EPB41L4B: variants seen among roughly 807,000 people sequenced by gnomAD.
EPB41L4B encodes the protein erythrocyte membrane protein band 4.1 like 4B.
EPB41L4B carries 30 observed loss-of-function variants against 112.5 expected under a neutral mutation model. The observed-to-expected ratio is 0.27, with a 90% CI of 0.20 to 0.36. The LOEUF is 0.36. Ranked by LOEUF, EPB41L4B falls within the 10% of genes least tolerant of loss-of-function variation. The probability of loss-of-function intolerance (pLI) is 1.00; values close to 1 mark genes in which losing one functional copy is unlikely to be tolerated. For missense variants in EPB41L4B, 1,024 were observed against 1,133.3 expected, an observed-to-expected ratio of 0.90 and a Z score of 1.38; for synonymous variants, 408 against 439.7, an observed-to-expected ratio of 0.93 and a Z score of 0.90.
chr9:109,187,279 G>A (rs1832302530), intron 22 of EPB41L4B, among the ~76,000 whole-genome samples: 1 of 152,092 alleles, frequency 6.6e-6, no homozygotes, highest in South Asian at 2.1e-4. Flanking sequence ...TCTCCAAAGT[G>A]ATCTATCTCT....
intron 4 of EPB41L4B, 38 bp from the exon 5 acceptor site, chr9:109,265,062 T>G: frequency 6.4e-7 from 1 of 1,567,672 alleles, no homozygotes; most frequent in Non-Finnish European, 8.7e-7. Context: ...AGGGTAACTC[T>G]TTCCCAGCTG....
chr9:109,216,647 C>CAAA (rs10568620), intron 16 of EPB41L4B, among the ~76,000 whole-genome samples: 13 of 132,592 alleles, frequency 9.8e-5, no homozygotes, highest in Non-Finnish European at 1.4e-4. Flanking sequence ...GACTCCATCT[C>CAAA]AAAAAAAAAA....
At chr9:109,178,902 TAA>T (rs10625718) in intron 24 of EPB41L4B, among the ~76,000 whole-genome samples, 56 of 105,102 alleles carry the variant, frequency 5.3e-4, no homozygotes, top group South Asian at 1.3e-3. Context: ...ATACTTCAAG[TAA>T]AAAAAAAAAA....
At chr9:109,236,063 G>A (rs1834130440) in intron 15 of EPB41L4B, among the ~76,000 whole-genome samples, 1 of 152,158 alleles carries the variant, frequency 6.6e-6, no homozygotes, top group Non-Finnish European at 1.5e-5. Flanking sequence ...CTCTCATCTG[G>A]CTGGCAATGT....
chr9:109,224,594 T>C (rs1262479739), intron 15 of EPB41L4B, among the ~76,000 whole-genome samples: 3 of 152,124 alleles, frequency 2.0e-5, no homozygotes, highest in Non-Finnish European at 2.9e-5. Context: ...GAGTTTCTTC[T>C]AGGGGTGATG....
At chr9:109,239,701 G>T in intron 15 of EPB41L4B, 2 of 418,950 alleles carry the variant, frequency 4.8e-6, no homozygotes, top group Non-Finnish European at 6.4e-6. Context: ...AGGCTTCTTG[G>T]TTGCAGACAA....
intron 19 of EPB41L4B, among the ~76,000 whole-genome samples, 184 bp downstream of exon 19, chr9:109,203,479 A>G (rs1379159347): frequency 6.6e-6 from 1 of 152,238 alleles, no homozygotes. Flanking sequence ...ACTGAGAATA[A>G]GCAACATTTT....
intron 15 of EPB41L4B, among the ~76,000 whole-genome samples, chr9:109,222,244 G>T (rs915438511): frequency 1.3e-5 from 2 of 152,114 alleles, no homozygotes; most frequent in African/African-American, 4.8e-5. Flanking sequence ...AATAGATGAG[G>T]GTCAGAGAAG....
At chr9:109,270,367 T>C (rs776301486) in intron 2 of EPB41L4B, among the ~76,000 whole-genome samples, 32 of 152,212 alleles carry the variant, frequency 2.1e-4, no homozygotes, top group Non-Finnish European at 2.5e-4. Flanking sequence ...CTTTTTACCT[T>C]GCTTCATAAT....
rs753995482 is a variant in EPB41L4B at position 109,279,877 on chromosome 9, G to A, written c.351C>T (p.His117=). The A allele has an allele frequency of 6.8e-6, 11 of 1,613,990 alleles. No homozygotes were observed. In the African/African-American group the frequency reaches 1.5e-4, roughly 22 times the overall value. ...AGTAATCTGTTTCCACAAGGTCCAA[G>A]TGGTACACAATCTGATCAAACAAAT... ...GQDLFDQIVY[H]LDLVETDYFG... is the part of the protein sequence containing the mutation. Residue 117 remains histidine (H), a synonymous_variant, in exon 2 of 26, where the codon CAC becomes CAT. Coordinates refer to ENST00000374566, the MANE Select transcript of EPB41L4B (RefSeq NM_019114.5).
intron 1 of EPB41L4B, among the ~76,000 whole-genome samples, chr9:109,304,984 G>A (rs1034344226): frequency 2.0e-5 from 3 of 152,008 alleles, no homozygotes; most frequent in Non-Finnish European, 2.9e-5. Context: ...CAATGTCAGC[G>A]TACTAAATGT....
At chr9:109,306,949 G>A (rs1430119084) in intron 1 of EPB41L4B, among the ~76,000 whole-genome samples, 1 of 150,086 alleles carries the variant, frequency 6.7e-6, no homozygotes, top group Admixed American at 6.6e-5. Flanking sequence ...TTAGAGCAAC[G>A]CCCATACATT....
intron 1 of EPB41L4B, among the ~76,000 whole-genome samples, chr9:109,314,901 G>A (rs1837576432): frequency 6.6e-6 from 1 of 152,092 alleles, no homozygotes; most frequent in Non-Finnish European, 1.5e-5. Flanking sequence ...TCAACCTCCT[G>A]CGGGTCCCTT....
At position 109,227,425 on chromosome 9, in the gene EPB41L4B, G is replaced by A. The variant is rs141019109; in HGVS notation, c.1410-10280C>T. Among the ~76,000 whole-genome samples the A allele has an allele frequency of 2.1e-3, 313 of 152,064 alleles. 1 individual carries two copies. The highest frequency in any genetic ancestry group is 7.1e-3 in the African/African-American group (293 of 41,496). ...TGGATTAATTTGAAAGAATATATTC[G>A]TAAGGAACATATTTCTCTCCATTTA... On this transcript the variant is annotated intron_variant, in intron 15 of 25. Transcript: ENST00000374566.
chr9:109,306,606 A>AC (rs1322843357), intron 1 of EPB41L4B, among the ~76,000 whole-genome samples: 1 of 50,232 alleles, frequency 2.0e-5, no homozygotes, highest in East Asian at 9.4e-4. Context: ...GAGCGAGCAA[A>AC]AAAACAAACA....
At chr9:109,211,079 T>C (rs931337932) in intron 17 of EPB41L4B, among the ~76,000 whole-genome samples, 1 of 152,202 alleles carries the variant, frequency 6.6e-6, no homozygotes, top group Non-Finnish European at 1.5e-5. Flanking sequence ...GGGCACAAAC[T>C]TTGGAACTGG....
chr9:109,250,872 T>A (rs1190503069), intron 13 of EPB41L4B, among the ~76,000 whole-genome samples: 39 of 152,214 alleles, frequency 2.6e-4, no homozygotes, highest in Admixed American at 2.6e-3. Flanking sequence ...TCACGTTCGC[T>A]CATTTACATA....
chr9:109,190,135 C>T (rs192326173), intron 22 of EPB41L4B, among the ~76,000 whole-genome samples: 6 of 152,180 alleles, frequency 3.9e-5, no homozygotes, highest in Admixed American at 3.3e-4. Flanking sequence ...CTTGGTGGAA[C>T]GTTGCTGAAT....
intron 6 of EPB41L4B, among the ~76,000 whole-genome samples, chr9:109,262,451 G>GT (rs59515417): frequency 0.87 from 128,741 of 148,794 alleles, 55,482 homozygotes; most frequent in Middle Eastern, 0.94. Context: ...GTGTGTGTGG[G>GT]GGTGTGTGTG....
Sources: allele counts gnomAD v4.1 joint callset (sites outside exome capture counted in the v4.1 genomes callset), GRCh38; gene constraint gnomAD v4.1.1; transcripts MANE v1.5; gene names NCBI Gene and HGNC (gene_info 2026-07-23, HGNC 2026-07-21).